The following PODXL2 variants were observed in gnomAD, a reference collection of about 807,000 sequenced individuals.
PODXL2 encodes podocalyxin like 2.
Under a neutral mutation model 53.4 loss-of-function variants are expected in PODXL2, and 17 were observed. That is an observed-to-expected ratio of 0.32 (90% CI 0.22 to 0.48). PODXL2 has a LOEUF of 0.48. PODXL2 is among the 20% of genes least tolerant of loss of function. The probability of loss-of-function intolerance (pLI) is 0.99; values close to 1 mark genes in which losing one functional copy is unlikely to be tolerated. For synonymous variants in PODXL2, 311 were observed against 306.7 expected (o/e 1.01, Z -0.15); for missense variants, 673 against 760.0 (o/e 0.89, Z 1.35).
intron 2 of PODXL2, among the ~76,000 whole-genome samples, chr3:127,649,801 G>T (rs1002460259): frequency 6.6e-6 from 1 of 152,186 alleles, no homozygotes; most frequent in Non-Finnish European, 1.5e-5. Flanking sequence ...GCTGGGTGTG[G>T]TGGTGGGTGC....
chr3:127,633,853 G>A (rs1462203773), intron 1 of PODXL2, among the ~76,000 whole-genome samples: 1 of 151,876 alleles, frequency 6.6e-6, no homozygotes, highest in Non-Finnish European at 1.5e-5. Context: ...AGCTGAGACT[G>A]CAGGCAGGAG....
In PODXL2 at chr3:127,652,472, G is replaced by A. The variant is rs575418954; in HGVS notation, c.350-7906G>A. On this transcript the variant is annotated intron_variant, in intron 2 of 7. Coordinates refer to ENST00000342480, the MANE Select transcript of PODXL2 (RefSeq NM_015720.4). Reference sequence around the variant, plus strand: ...TCCAGGGCTCTCCTGTGCAACGAGGGGGTCTGCCCCAGGTGTCTTCTGAGC... The same window carrying A: ...TCCAGGGCTCTCCTGTGCAACGAGGAGGTCTGCCCCAGGTGTCTTCTGAGC... Among the ~76,000 whole-genome samples, 5 of 152,262 alleles carry A rather than the reference G, an allele frequency of 3.3e-5. 1 individual carries two copies. The South Asian group carries it at 1.0e-3, about 32-fold the overall frequency.
In PODXL2 at chr3:127,672,640, CG is replaced by C. The variant is rs1424231531; in HGVS notation, c.*162del. On this transcript the variant is annotated 3_prime_UTR_variant, in exon 8 of 8. Coordinates refer to ENST00000342480, the MANE Select transcript of PODXL2 (RefSeq NM_015720.4). ...TCCCGCTTCCCCCGACTTCACACGG[CG>C]GCTTCGGACCAACTCCCTCACTCCC... 14 of 507,838 alleles carry C rather than the reference CG, an allele frequency of 2.8e-5. No homozygotes were observed. The highest frequency in any genetic ancestry group is 4.4e-5 in the Non-Finnish European group (13 of 297,974). 31.5% of individuals were successfully genotyped at this position (507,838 alleles called of 1,614,324 possible). A position where few individuals can be genotyped will look rare whatever the true frequency, so the allele number is the denominator to read the frequency against.
At chr3:127,647,647 C>G (rs920423947) in intron 2 of PODXL2, among the ~76,000 whole-genome samples, 2 of 152,212 alleles carry the variant, frequency 1.3e-5, no homozygotes, top group Non-Finnish European at 2.9e-5. Context: ...CTGCCCTGTC[C>G]CATCAGTCAT....
chr3:127,648,787 C>CTTTTTTT lies in PODXL2; in HGVS notation c.349+9281_349+9287dup, dbSNP rs988325770. Among the ~76,000 whole-genome samples, 10 of 97,852 alleles carry CTTTTTTT rather than the reference C, an allele frequency of 1.0e-4. 1 individual carries two copies. The highest frequency in any genetic ancestry group is 6.9e-4 in the South Asian group (2 of 2,888). 64.2% of individuals were successfully genotyped at this position (97,852 alleles called of 152,430 possible). A position where few individuals can be genotyped will look rare whatever the true frequency, so the allele number is the denominator to read the frequency against. On this transcript the variant is annotated intron_variant, in intron 2 of 7. Coordinates refer to ENST00000342480, the MANE Select transcript of PODXL2 (RefSeq NM_015720.4). ...CTATGCCCAGCTAATTTTTGTATTT[C>CTTTTTTT]TTTTTTTTTTTTTTTTTTTTTTTGA...
Position 127,632,324 on chromosome 3 carries a change from G to A in PODXL2, c.70+3035G>A, listed in dbSNP as rs9829781. On this transcript the variant is annotated intron_variant, in intron 1 of 7. Transcript: ENST00000342480. Reference sequence around the variant, plus strand: ...GCCATGCCACAGTTCAGCTCCGAGAGAGAGTGCCAAGGTTTGAGAGACAAC... The same window carrying A: ...GCCATGCCACAGTTCAGCTCCGAGAAAGAGTGCCAAGGTTTGAGAGACAAC... Among the ~76,000 whole-genome samples the A allele has an allele frequency of 5.2e-3, 790 of 152,312 alleles. 6 individuals are homozygous for A. The highest frequency in any genetic ancestry group is 0.017 in the African/African-American group (720 of 41,574).
chr3:127,654,095 C>T (rs955937647), intron 2 of PODXL2, among the ~76,000 whole-genome samples: 6 of 152,190 alleles, frequency 3.9e-5, no homozygotes, highest in African/African-American at 1.4e-4. Context: ...GTTTCATAGT[C>T]CACTATCCGG....
At chr3:127,631,099 G>T (rs1050680917) in intron 1 of PODXL2, among the ~76,000 whole-genome samples, 4 of 152,228 alleles carry the variant, frequency 2.6e-5, no homozygotes, top group African/African-American at 7.2e-5. Context: ...ACACACCTTT[G>T]TGTGGAAGCC....
chr3:127,636,454 G>A (rs1466993859), intron 1 of PODXL2, among the ~76,000 whole-genome samples: 1 of 152,216 alleles, frequency 6.6e-6, no homozygotes, highest in African/African-American at 2.4e-5. Context: ...CAGGAACAAA[G>A]GGGAACTTCA....
chr3:127,639,914 C>T (rs1559873221), intron 2 of PODXL2, among the ~76,000 whole-genome samples: 1 of 152,220 alleles, frequency 6.6e-6, no homozygotes, highest in Non-Finnish European at 1.5e-5. Context: ...GCTTTCCAAG[C>T]CCTGGGGCTC....
chr3:127,650,386 A>G (rs1405544796), intron 2 of PODXL2, among the ~76,000 whole-genome samples: 2 of 152,194 alleles, frequency 1.3e-5, no homozygotes, highest in African/African-American at 4.8e-5. Flanking sequence ...AATAAGGCCT[A>G]GGGGACCCAG....
chr3:127,655,341 G>A (rs1220477419), intron 2 of PODXL2, among the ~76,000 whole-genome samples: 1 of 150,806 alleles, frequency 6.6e-6, no homozygotes, highest in Non-Finnish European at 1.5e-5. Flanking sequence ...GGAAGGTGGA[G>A]GTTGGAGTGA....
chr3:127,671,230 T>C (rs2074832922), intron 6 of PODXL2, among the ~76,000 whole-genome samples: 1 of 151,840 alleles, frequency 6.6e-6, no homozygotes, highest in African/African-American at 2.4e-5. Flanking sequence ...GGGCATGGGG[T>C]GGAGAGGCCT....
At chr3:127,651,623 C>T (rs1363670288) in intron 2 of PODXL2, among the ~76,000 whole-genome samples, 2 of 152,212 alleles carry the variant, frequency 1.3e-5, no homozygotes, top group Non-Finnish European at 2.9e-5. Context: ...CAGTGCCTGC[C>T]AGAGGGCTGA....
rs771565512 is a variant in PODXL2 at position 127,644,128 on chromosome 3, T to C, written c.349+4605T>C. Among the ~76,000 whole-genome samples, 122 of 152,288 alleles carry C rather than the reference T, an allele frequency of 8.0e-4. 1 individual carries two copies. The Middle Eastern group carries it at 0.01, about 13-fold the overall frequency. On this transcript the variant is annotated intron_variant, in intron 2 of 7. Transcript: ENST00000342480. ...ATGATATTTTGTTGCTGTTGTTGTT[T>C]TGAGATGGAGTCTCACTCTGTTGCC...
At chr3:127,631,808 C>A (rs1041647100) in intron 1 of PODXL2, among the ~76,000 whole-genome samples, 2 of 152,054 alleles carry the variant, frequency 1.3e-5, no homozygotes, top group African/African-American at 4.8e-5. Context: ...ATATCAAGTT[C>A]TATGTAAAGA....
At chr3:127,666,018 C>T (rs944239311) in intron 4 of PODXL2, 4 of 429,040 alleles carry the variant, frequency 9.3e-6, no homozygotes, top group African/African-American at 8.1e-5. Context: ...CAATATGGAT[C>T]TTTATTTCTG....
At chr3:127,657,388 C>A (rs866368486) in intron 2 of PODXL2, among the ~76,000 whole-genome samples, 1 of 152,198 alleles carries the variant, frequency 6.6e-6, no homozygotes, top group African/African-American at 2.4e-5. Flanking sequence ...ATTTTAAGTG[C>A]GTCCTGAAGG....
intron 6 of PODXL2, among the ~76,000 whole-genome samples, chr3:127,670,901 G>GGAGGAAGCTGGGCAGC (rs2074827827): frequency 6.6e-6 from 1 of 152,254 alleles, no homozygotes; most frequent in Non-Finnish European, 1.5e-5. Context: ...CCATGGGAAG[G>GGAGGAAGCTGGGCAGC]GAGGAAGCTG....
Sources: allele counts gnomAD v4.1 joint callset (sites outside exome capture counted in the v4.1 genomes callset), GRCh38; gene constraint gnomAD v4.1.1; transcripts MANE v1.5; gene names NCBI Gene and HGNC (gene_info 2026-07-23, HGNC 2026-07-21).